EXT1: variants seen among roughly 807,000 people sequenced by gnomAD.
EXT1 encodes exostosin-1.
EXT1 carries 20 observed loss-of-function variants against 82.5 expected under a neutral mutation model. That is an observed-to-expected ratio of 0.24 (90% CI 0.17 to 0.35). EXT1 has a LOEUF of 0.35. Ranked by LOEUF, EXT1 falls within the 10% of genes least tolerant of loss-of-function variation. The probability of loss-of-function intolerance (pLI) is 1.00; values close to 1 mark genes in which losing one functional copy is unlikely to be tolerated. For missense variants in EXT1, 757 were observed against 936.5 expected (o/e 0.81, Z 2.50); for synonymous variants, 348 against 350.8 (o/e 0.99, Z 0.09).
chr8:117,920,895 C>T (rs1178146901), intron 1 of EXT1, among the ~76,000 whole-genome samples: 1 of 152,066 alleles, frequency 6.6e-6, no homozygotes, highest in African/African-American at 2.4e-5. Flanking sequence ...CAGTTTGCTC[C>T]TCCAACACAT....
At position 118,111,539 on chromosome 8, in the gene EXT1, C is replaced by T; in HGVS notation, c.-493G>A. 2.3e-6 allele frequency: 1 copy of T among 442,452 alleles called. No homozygotes were observed. The highest frequency in any genetic ancestry group is 4.0e-6 in the Non-Finnish European group (1 of 251,290). The allele number at this position is 442,452 out of a possible 1,614,324, so 27.4% of individuals were successfully genotyped here. On this transcript the variant is annotated 5_prime_UTR_variant, in exon 1 of 11. Coordinates refer to ENST00000378204, the MANE Select transcript of EXT1 (RefSeq NM_000127.3). The stretch of plus-strand genomic sequence containing the variant: ...CCGGTTCCAACAAGTCAGCCGATCC[C>T]GGGTTCAGCCGGCTAGTGCATCTTG...
chr8:118,007,445 T>C (rs1344099889), intron 1 of EXT1, among the ~76,000 whole-genome samples: 2 of 152,178 alleles, frequency 1.3e-5, no homozygotes, highest in African/African-American at 4.8e-5. Flanking sequence ...TTTTGATAAC[T>C]TGGTGAAAAC....
chr8:117,870,487 A>T (rs531558537), intron 1 of EXT1, among the ~76,000 whole-genome samples: 109 of 145,752 alleles, frequency 7.5e-4, no homozygotes, highest in Middle Eastern at 3.5e-3. Flanking sequence ...AAGTAGAAGG[A>T]GCAAGGAGGG....
At chr8:117,845,017 G>A (rs560710384) in intron 1 of EXT1, among the ~76,000 whole-genome samples, 30 of 152,278 alleles carry the variant, frequency 2.0e-4, no homozygotes, top group African/African-American at 4.1e-4. Flanking sequence ...GCTGTCCACC[G>A]CAGAGAGCAG....
intron 1 of EXT1, among the ~76,000 whole-genome samples, chr8:118,031,292 G>A (rs1816312392): frequency 6.6e-6 from 1 of 152,122 alleles, no homozygotes; most frequent in African/African-American, 2.4e-5. Context: ...AGGCCGAGGT[G>A]GGCGGATCAC....
rs77747084 is a variant in EXT1, at chr8:117,842,860, G to A, written c.963-5659C>T. On this transcript the variant is annotated intron_variant, in intron 1 of 10. Coordinates refer to ENST00000378204, the MANE Select transcript of EXT1 (RefSeq NM_000127.3). ...CTGTGGCTCCCACAATCCCTCTGTA[G>A]CACGCATATTTGCCAAGTGAACCTG... Among the ~76,000 whole-genome samples, 1,372 of 152,304 alleles carry A rather than the reference G, an allele frequency of 9.0e-3. 10 individuals are homozygous for A. Among genetic ancestry groups the A allele is most frequent in the Middle Eastern group, 0.02 (6 of 294 alleles).
intron 4 of EXT1, among the ~76,000 whole-genome samples, chr8:117,829,769 T>C (rs935655609): frequency 7.2e-5 from 11 of 151,812 alleles, no homozygotes; most frequent in African/African-American, 2.7e-4. Context: ...GAGACGAGGT[T>C]TCACCATGTT....
rs575908638 is a variant in EXT1, at chr8:117,952,398, G to A, written c.963-115197C>T. On this transcript the variant is annotated intron_variant, in intron 1 of 10. Transcript: ENST00000378204. ...TGCCTTCCAGGTAGCCTGCTAAACA[G>A]CAGAAAAAGGAAGATGAGAATGACA... 6.6e-4 allele frequency among the ~76,000 whole-genome samples: 101 copies of A among 152,292 alleles called. 1 individual carries two copies. The South Asian group carries it at 0.02, about 30-fold the overall frequency.
At chr8:117,939,829 G>A (rs902568162) in intron 1 of EXT1, among the ~76,000 whole-genome samples, 3 of 152,054 alleles carry the variant, frequency 2.0e-5, no homozygotes, top group Admixed American at 6.5e-5. Flanking sequence ...TTCCTTGAAC[G>A]CAAAAACCAC....
chr8:118,019,575 C>T (rs932245751), intron 1 of EXT1, among the ~76,000 whole-genome samples: 3 of 152,158 alleles, frequency 2.0e-5, no homozygotes, highest in African/African-American at 4.8e-5. Flanking sequence ...CATCGTACAT[C>T]GTCTTGGACC....
chr8:117,873,708 G>A (rs1227483359), intron 1 of EXT1, among the ~76,000 whole-genome samples: 2 of 151,980 alleles, frequency 1.3e-5, no homozygotes, highest in African/African-American at 2.4e-5. Context: ...TGCCCGCCTT[G>A]GACTCCCAAA....
At position 118,069,211 on chromosome 8, in the gene EXT1, T is replaced by C. The variant is rs146843263; in HGVS notation, c.962+40874A>G. On this transcript the variant is annotated intron_variant, in intron 1 of 10. Coordinates refer to ENST00000378204, the MANE Select transcript of EXT1 (RefSeq NM_000127.3). ...CTTGCCCATGACTTGTCTTGATCAG[T>C]ATCCTGTAGCAGAGGTTAACTTCCC... Among the ~76,000 whole-genome samples, 40 of 152,340 alleles carry C rather than the reference T, an allele frequency of 2.6e-4. No individual in the cohort carries two copies. In the East Asian group the frequency reaches 7.5e-3, roughly 29 times the overall value.
intron 1 of EXT1, among the ~76,000 whole-genome samples, chr8:117,848,233 G>T (rs1223920270): frequency 6.6e-6 from 1 of 152,190 alleles, no homozygotes; most frequent in Non-Finnish European, 1.5e-5. Context: ...TTGGGTTATG[G>T]TTGAAGATTT....
intron 1 of EXT1, among the ~76,000 whole-genome samples, chr8:117,922,533 C>G (rs1220475055): frequency 6.6e-6 from 1 of 152,134 alleles, no homozygotes; most frequent in Non-Finnish European, 1.5e-5. Context: ...CAGTCAGTAA[C>G]CGATCCACCT....
intron 1 of EXT1, among the ~76,000 whole-genome samples, chr8:118,003,555 C>G (rs1815717457): frequency 6.6e-6 from 1 of 152,146 alleles, no homozygotes; most frequent in East Asian, 1.9e-4. Context: ...TAAAAGCCAA[C>G]TAGATGTATA....
intron 1 of EXT1, among the ~76,000 whole-genome samples, chr8:117,980,457 T>A (rs1436798871): frequency 6.6e-6 from 1 of 152,204 alleles, no homozygotes; most frequent in East Asian, 1.9e-4. Context: ...GGATCCTTTA[T>A]CCAACATACA....
intron 1 of EXT1, among the ~76,000 whole-genome samples, chr8:117,982,767 C>T (rs1023075735): frequency 1.3e-5 from 2 of 152,272 alleles, no homozygotes; most frequent in Admixed American, 1.3e-4. Flanking sequence ...GCTGGGATTA[C>T]AGGCGTGAGC....
chr8:118,035,052 C>T (rs1353988222), intron 1 of EXT1, among the ~76,000 whole-genome samples: 1 of 152,162 alleles, frequency 6.6e-6, no homozygotes, highest in Non-Finnish European at 1.5e-5. Flanking sequence ...CATGTTAAAA[C>T]AGAGTGTTGC....
intron 1 of EXT1, among the ~76,000 whole-genome samples, chr8:117,923,314 T>C (rs1421251069): frequency 6.6e-6 from 1 of 150,742 alleles, no homozygotes; most frequent in African/African-American, 2.4e-5. Flanking sequence ...GAGACTCTGT[T>C]TCAAAAACAC....
Sources: allele counts gnomAD v4.1 joint callset (sites outside exome capture counted in the v4.1 genomes callset), GRCh38; gene constraint gnomAD v4.1.1; transcripts MANE v1.5; gene names NCBI Gene and HGNC (gene_info 2026-07-23, HGNC 2026-07-21).